RPS6KA2: variants seen among roughly 807,000 people sequenced by gnomAD.
The protein encoded by RPS6KA2 is ribosomal protein S6 kinase A2.
A neutral mutation model predicts 91.8 loss-of-function variants in RPS6KA2; 42 were observed. The observed-to-expected ratio is 0.46, with a 90% CI of 0.36 to 0.59. RPS6KA2 has a LOEUF of 0.59. Among genes scored for constraint, RPS6KA2 ranks in the 20% least tolerant of loss-of-function variants. The pLI, the probability that RPS6KA2 is intolerant of heterozygous loss-of-function variation, is 0.00. For missense variants in RPS6KA2, 798 were observed against 978.5 expected (o/e 0.82, Z 2.46); for synonymous variants, 414 against 393.6 (o/e 1.05, Z -0.61).
At chr6:166,579,186 G>GC (rs1784931435) in intron 1 of RPS6KA2, among the ~76,000 whole-genome samples, 1 of 152,232 alleles carries the variant, frequency 6.6e-6, no homozygotes, top group African/African-American at 2.4e-5. Context: ...ATGCTGTTTA[G>GC]AAAACAATCT....
At chr6:166,782,173 C>A (rs1051970111) in intron 2 of RPS6KA2, among the ~76,000 whole-genome samples, 1 of 152,066 alleles carries the variant, frequency 6.6e-6, no homozygotes, top group East Asian at 1.9e-4. Flanking sequence ...GCGCCTGTAA[C>A]CCCCGCTACT....
At chr6:166,522,701 T>C (rs181768009) in intron 3 of RPS6KA2, among the ~76,000 whole-genome samples, 1 of 152,298 alleles carries the variant, frequency 6.6e-6, no homozygotes, top group East Asian at 1.9e-4. Flanking sequence ...AGAATAAAAG[T>C]CCTTCTTCCC....
chr6:166,564,785 A>G (rs1217296591), intron 1 of RPS6KA2, among the ~76,000 whole-genome samples: 6 of 152,176 alleles, frequency 3.9e-5, no homozygotes, highest in Non-Finnish European at 8.8e-5. Flanking sequence ...GCCACGGATC[A>G]AGGTCGAGGG....
chr6:166,515,079 T>C (rs1256294200), intron 3 of RPS6KA2, among the ~76,000 whole-genome samples: 1 of 152,070 alleles, frequency 6.6e-6, no homozygotes, highest in African/African-American at 2.4e-5. Flanking sequence ...AGTAGAACCA[T>C]GGTGAGGACC....
At chr6:166,681,698 C>CACCTCCCA (rs59779819) in intron 2 of RPS6KA2, among the ~76,000 whole-genome samples, 1 of 80,772 alleles carries the variant, frequency 1.2e-5, no homozygotes, top group Admixed American at 1.1e-4. Context: ...CCGCCCCCCC[C>CACCTCCCA]CCCGCCCCCG....
intron 1 of RPS6KA2, among the ~76,000 whole-genome samples, chr6:166,625,342 C>T (rs1210500487): frequency 5.8e-5 from 7 of 119,800 alleles, no homozygotes; most frequent in Non-Finnish European, 6.8e-5. Context: ...CCCCCCCCCC[C>T]GCTTGTTTCC....
chr6:166,441,911 G>A (rs1583139400), intron 14 of RPS6KA2, among the ~76,000 whole-genome samples: 2 of 152,378 alleles, frequency 1.3e-5, no homozygotes, highest in Non-Finnish European at 2.9e-5. Context: ...CCTCGCAGCT[G>A]AGTGCTGGAG....
chr6:166,457,982 C>T (rs1371296341), intron 12 of RPS6KA2, among the ~76,000 whole-genome samples: 2 of 152,208 alleles, frequency 1.3e-5, no homozygotes, highest in Non-Finnish European at 2.9e-5. Flanking sequence ...ACCACCAGCT[C>T]CCTGGACTTG....
chr6:166,673,533 C>A (rs1383577320), intron 2 of RPS6KA2, among the ~76,000 whole-genome samples: 1 of 152,138 alleles, frequency 6.6e-6, no homozygotes, highest in African/African-American at 2.4e-5. Context: ...AGCACCTGGC[C>A]CTGAGCCCAT....
chr6:166,426,882 A>G (rs1187668454), intron 16 of RPS6KA2, among the ~76,000 whole-genome samples: 5 of 129,672 alleles, frequency 3.9e-5, no homozygotes, highest in African/African-American at 1.1e-4. Context: ...ACAAGGAGGA[A>G]CTGGTACCAT....
chr6:166,827,980 A>G (rs150363730), intron 2 of RPS6KA2, among the ~76,000 whole-genome samples: 4 of 152,354 alleles, frequency 2.6e-5, no homozygotes, highest in African/African-American at 9.6e-5. Context: ...GTAAACATAC[A>G]TCTGTAAATA....
intron 8 of RPS6KA2, among the ~76,000 whole-genome samples, chr6:166,491,135 G>A (rs1262327614): frequency 2.0e-5 from 3 of 152,212 alleles, no homozygotes; most frequent in South Asian, 2.1e-4. Context: ...GGAGGAGGAG[G>A]AGAACAGCTA....
chr6:166,718,154 G>T (rs1190853043), intron 2 of RPS6KA2, among the ~76,000 whole-genome samples: 2 of 152,028 alleles, frequency 1.3e-5, no homozygotes, highest in Non-Finnish European at 1.5e-5. Context: ...GGCCCTATTT[G>T]TCATTTTTCT....
chr6:166,617,577 G>A (rs565501610), intron 1 of RPS6KA2, among the ~76,000 whole-genome samples: 9 of 152,248 alleles, frequency 5.9e-5, no homozygotes, highest in African/African-American at 1.2e-4. Flanking sequence ...CTTACGCGAC[G>A]GTTTTAATGA....
At position 166,459,189 on chromosome 6, in the gene RPS6KA2, A is replaced by G. The variant is rs1351122543; in HGVS notation, c.1075+260T>C. On this transcript the variant is annotated intron_variant, in intron 12 of 20. Transcript: ENST00000265678. This position sits in a 1 kb window ranked among gnomAD's most constrained non-coding sequence, Gnocchi z 4.9. ...TGTGTGTCTCTCTGACACAGGAAGT[A>G]ACTGGACCGGTGTCTTGGAATAAGG... Among the ~76,000 whole-genome samples, 1 of 152,196 alleles carries G rather than the reference A, an allele frequency of 6.6e-6. No homozygotes were observed. Among genetic ancestry groups the G allele is most frequent in the Non-Finnish European group, 1.5e-5 (1 of 68,042 alleles).
chr6:166,499,271 C>T (rs1781926157), intron 7 of RPS6KA2, among the ~76,000 whole-genome samples: 1 of 152,210 alleles, frequency 6.6e-6, no homozygotes, highest in Admixed American at 6.5e-5. Context: ...TGGCTCAGGG[C>T]CCCCAAGTCT....
chr6:166,780,903 C>T lies in RPS6KA2; in HGVS notation c.123+77297G>A, dbSNP rs566760983. On this transcript the variant is annotated intron_variant, in intron 2 of 21. Transcript: ENST00000503859. ...CCCCAGGCTGAGCAACCAACACTCCCCAGTGGACTAATGCAGAGCCACGCT... is the reference window on the plus strand; with the variant it reads ...CCCCAGGCTGAGCAACCAACACTCCTCAGTGGACTAATGCAGAGCCACGCT... Among the ~76,000 whole-genome samples the T allele has an allele frequency of 5.3e-4, 81 of 152,296 alleles. 2 individuals carry two copies. In the South Asian group the frequency reaches 0.016, roughly 31 times the overall value.
intron 2 of RPS6KA2, among the ~76,000 whole-genome samples, chr6:166,698,767 C>T (rs550240440): frequency 3.9e-5 from 6 of 152,286 alleles, no homozygotes; most frequent in African/African-American, 7.2e-5. Flanking sequence ...CGTCAGCGGA[C>T]GGGAGGTTCT....
intron 10 of RPS6KA2, chr6:166,475,675 C>A: frequency 2.2e-6 from 1 of 460,896 alleles, no homozygotes; most frequent in Admixed American, 2.4e-5. Flanking sequence ...AGTACACATT[C>A]ACTGAACAGA....
Sources: allele counts gnomAD v4.1 joint callset (sites outside exome capture counted in the v4.1 genomes callset), GRCh38; gene constraint gnomAD v4.1.1; non-coding constraint Gnocchi (gnomAD v3.1); transcripts MANE v1.5; gene names NCBI Gene and HGNC (gene_info 2026-07-23, HGNC 2026-07-21).